Variants in ARHGAP15 observed in about 807,000 individuals in gnomAD.
ARHGAP15 encodes the protein Rho GTPase activating protein 15, also known as rho GTPase-activating protein 15.
ARHGAP15 carries 51 observed loss-of-function variants against 63.7 expected under a neutral mutation model. The ratio of observed to expected loss-of-function variants is 0.80; its 90% CI spans 0.64 to 1.01. The LOEUF is 1.01. Ranked by LOEUF, ARHGAP15 falls within the 50% of genes least tolerant of loss-of-function variation. The pLI is 0.00. For synonymous variants in ARHGAP15, 191 were observed against 193.8 expected (o/e 0.99, Z 0.12); for missense variants, 560 against 564.6 (o/e 0.99, Z 0.08).
intron 6 of ARHGAP15, among the ~76,000 whole-genome samples, chr2:143,395,491 A>C (rs1288930602): frequency 6.6e-6 from 1 of 152,190 alleles, no homozygotes; most frequent in Non-Finnish European, 1.5e-5. Flanking sequence ...AAGAGTACAA[A>C]GTACAATGGG....
At chr2:143,302,089 T>G (rs1682931473) in intron 6 of ARHGAP15, among the ~76,000 whole-genome samples, 1 of 152,014 alleles carries the variant, frequency 6.6e-6, no homozygotes, top group Non-Finnish European at 1.5e-5. Flanking sequence ...GTTTTTAATT[T>G]CGTTAACCTC....
chr2:143,424,311 C>A (rs1458843791), intron 6 of ARHGAP15, among the ~76,000 whole-genome samples: 1 of 151,968 alleles, frequency 6.6e-6, no homozygotes, highest in Non-Finnish European at 1.5e-5. Flanking sequence ...GGAGGTCAGA[C>A]CAGAAGTCAC....
chr2:143,155,313 A>G (rs1690033788), intron 1 of ARHGAP15, among the ~76,000 whole-genome samples, 164 bp from the exon 2 acceptor site: 1 of 152,064 alleles, frequency 6.6e-6, no homozygotes, highest in South Asian at 2.1e-4. Context: ...CCCAACTGAC[A>G]AAATAACTTA....
intron 8 of ARHGAP15, among the ~76,000 whole-genome samples, chr2:143,449,102 GA>G (rs1251552312): frequency 6.6e-6 from 1 of 151,980 alleles, no homozygotes; most frequent in Non-Finnish European, 1.5e-5. Context: ...GACTAAATGA[GA>G]AAGAACCAAG....
chr2:143,428,700 C>G (rs1227155884), intron 6 of ARHGAP15, among the ~76,000 whole-genome samples: 1 of 151,974 alleles, frequency 6.6e-6, no homozygotes, highest in African/African-American at 2.4e-5. Context: ...GTCAGTGTAT[C>G]TTGAAGGAAG....
At chr2:143,175,767 A>G (rs1690988179) in intron 2 of ARHGAP15, among the ~76,000 whole-genome samples, 1 of 152,110 alleles carries the variant, frequency 6.6e-6, no homozygotes, top group Non-Finnish European at 1.5e-5. Flanking sequence ...AACTGCTGCA[A>G]ACCACCAATA....
At chr2:143,166,005 G>GGAAGGAAA (rs1690505770) in intron 2 of ARHGAP15, among the ~76,000 whole-genome samples, 1 of 39,180 alleles carries the variant, frequency 2.6e-5, no homozygotes, top group Non-Finnish European at 5.8e-5. Context: ...AAAGAAAGAA[G>GGAAGGAAA]GAAGGAAGGA....
intron 11 of ARHGAP15, among the ~76,000 whole-genome samples, chr2:143,560,107 C>A (rs1695961099): frequency 6.6e-6 from 1 of 152,138 alleles, no homozygotes; most frequent in East Asian, 1.9e-4. Flanking sequence ...TCTAAATACA[C>A]CAGTTGAATG....
At chr2:143,508,451 A>G (rs1693420850) in intron 9 of ARHGAP15, among the ~76,000 whole-genome samples, 2 of 152,242 alleles carry the variant, frequency 1.3e-5, no homozygotes, top group South Asian at 4.1e-4. Context: ...CCATTTACAT[A>G]TAGACTCTGT....
chr2:143,349,272 C>T (rs1427765982), intron 6 of ARHGAP15, among the ~76,000 whole-genome samples: 1 of 152,162 alleles, frequency 6.6e-6, no homozygotes, highest in Non-Finnish European at 1.5e-5. Context: ...CTGCTGAAAA[C>T]ATCAACTATT....
intron 12 of ARHGAP15, among the ~76,000 whole-genome samples, chr2:143,656,934 GGTGT>G (rs5834961): frequency 0.083 from 12,002 of 144,944 alleles, 1,209 homozygotes; most frequent in African/African-American, 0.24. Flanking sequence ...CAAAGTTTCT[GGTGT>G]GTGTGTGTGT....
intron 12 of ARHGAP15, among the ~76,000 whole-genome samples, chr2:143,658,216 A>T (rs1184218505): frequency 6.6e-6 from 1 of 152,200 alleles, no homozygotes; most frequent in Admixed American, 6.5e-5. Context: ...TATGTGCATT[A>T]TCTTGTTTAC....
At chr2:143,295,922 A>G (rs1168105106) in intron 6 of ARHGAP15, among the ~76,000 whole-genome samples, 3 of 151,900 alleles carry the variant, frequency 2.0e-5, no homozygotes, top group Non-Finnish European at 4.4e-5. Flanking sequence ...AACAAATGTC[A>G]CCTTCTACTC....
At chr2:143,636,625 T>C (rs1680329372) in intron 12 of ARHGAP15, among the ~76,000 whole-genome samples, 1 of 152,148 alleles carries the variant, frequency 6.6e-6, no homozygotes. Flanking sequence ...TCCAGCAGGA[T>C]CTTTTTCTAA....
intron 13 of ARHGAP15, among the ~76,000 whole-genome samples, chr2:143,760,768 T>C (rs1476688821): frequency 6.6e-6 from 1 of 152,204 alleles, no homozygotes; most frequent in Admixed American, 6.6e-5. Flanking sequence ...TTTTTGCTTT[T>C]ATTCAAAAGC....
At chr2:143,720,029 G>A (rs1411812690) in intron 13 of ARHGAP15, among the ~76,000 whole-genome samples, 1 of 152,120 alleles carries the variant, frequency 6.6e-6, no homozygotes, top group Non-Finnish European at 1.5e-5. Flanking sequence ...AATGTTCATT[G>A]TCATGTACGA....
At chr2:143,646,788 A>T (rs887940191) in intron 12 of ARHGAP15, among the ~76,000 whole-genome samples, 2 of 152,066 alleles carry the variant, frequency 1.3e-5, no homozygotes, top group African/African-American at 4.8e-5. Context: ...GCAAAATAAC[A>T]TCATGCAGTA....
intron 13 of ARHGAP15, among the ~76,000 whole-genome samples, chr2:143,762,619 A>T (rs1186398709): frequency 1.2e-4 from 18 of 151,916 alleles, no homozygotes; most frequent in Non-Finnish European, 1.9e-4. Context: ...CTTCATATAC[A>T]CTCTTCAGTG....
chr2:143,761,074 A>G (rs930574154), intron 13 of ARHGAP15, among the ~76,000 whole-genome samples: 8 of 152,192 alleles, frequency 5.3e-5, no homozygotes, highest in African/African-American at 1.9e-4. Context: ...TAAGTCCTCA[A>G]TCTTATAAAA....
Sources: gnomAD v4.1 joint callset for allele counts (sites outside exome capture counted in the v4.1 genomes callset) on GRCh38, gnomAD v4.1.1 for gene constraint, MANE v1.5 for transcripts, NCBI Gene and HGNC (gene_info 2026-07-23, HGNC 2026-07-21) for gene names.